The following ASCC3 variants were observed in gnomAD, a reference collection of about 807,000 sequenced individuals.
ASCC3 encodes the protein activating signal cointegrator 1 complex subunit 3, also known as ASC-1 complex subunit P200.
Under a neutral mutation model 256.3 loss-of-function variants are expected in ASCC3, and 158 were observed. The observed-to-expected ratio is 0.62, with a 90% CI of 0.54 to 0.70. ASCC3 has a LOEUF of 0.70. Ranked by LOEUF, ASCC3 falls within the 30% of genes least tolerant of loss-of-function variation. The probability of loss-of-function intolerance (pLI) is 0.00; values close to 1 mark genes in which losing one functional copy is unlikely to be tolerated. For missense variants in ASCC3, 2,259 were observed against 2,626.0 expected (o/e 0.86, Z 3.05); for synonymous variants, 948 against 883.4 (o/e 1.07, Z -1.30).
intron 10 of ASCC3, among the ~76,000 whole-genome samples, chr6:100,762,335 G>A (rs1781459609): frequency 2.0e-5 from 3 of 152,194 alleles, no homozygotes; most frequent in South Asian, 4.1e-4. Context: ...GCCAGGACAG[G>A]AGAAATCTCT....
rs1491546313 is a variant in ASCC3, at chr6:100,753,304, G to GC, written c.1737+13260dup. On this transcript the variant is annotated intron_variant, in intron 10 of 41. Transcript: ENST00000369162. ...TAGTTTTTTGCTAAAATATTCAATAGCAAAACAAAACAAAACATTTATTTT... is the reference window on the plus strand; with the variant it reads ...TAGTTTTTTGCTAAAATATTCAATAGCCAAAACAAAACAAAACATTTATTTT... Among the ~76,000 whole-genome samples, 3 of 18,164 alleles carry GC rather than the reference G, an allele frequency of 1.7e-4. No individual in the cohort carries two copies. In the East Asian group the frequency reaches 6.1e-3, roughly 37 times the overall value. 11.9% of individuals were successfully genotyped at this position (18,164 alleles called of 152,430 possible).
intron 8 of ASCC3, among the ~76,000 whole-genome samples, chr6:100,783,024 A>T (rs2114265619): frequency 6.6e-6 from 1 of 152,222 alleles, no homozygotes; most frequent in Non-Finnish European, 1.5e-5. Context: ...AAAAAAAAGA[A>T]ATATGACTGA....
At chr6:100,782,104 T>A (rs1782476767) in intron 8 of ASCC3, among the ~76,000 whole-genome samples, 1 of 152,120 alleles carries the variant, frequency 6.6e-6, no homozygotes. Context: ...TTATAGGGAA[T>A]TCTTGGGAGA....
At chr6:100,697,325 T>G (rs1778137856) in intron 13 of ASCC3, among the ~76,000 whole-genome samples, 2 of 151,846 alleles carry the variant, frequency 1.3e-5, no homozygotes, top group Non-Finnish European at 2.9e-5. Flanking sequence ...TAAAGATGGA[T>G]AGTTAAAAAG....
intron 4 of ASCC3, among the ~76,000 whole-genome samples, chr6:100,823,301 A>C (rs984945120): frequency 2.6e-5 from 4 of 152,218 alleles, no homozygotes; most frequent in Non-Finnish European, 4.4e-5. Flanking sequence ...TGCTCTACGC[A>C]CAGATACAAG....
intron 10 of ASCC3, among the ~76,000 whole-genome samples, chr6:100,754,180 ATAAT>A (rs1781069755): frequency 6.6e-6 from 1 of 152,228 alleles, no homozygotes; most frequent in African/African-American, 2.4e-5. Context: ...CAAAAAAAGT[ATAAT>A]TAGTCATAAA....
At chr6:100,534,976 A>G (rs1775090891) in intron 37 of ASCC3, among the ~76,000 whole-genome samples, 1 of 152,222 alleles carries the variant, frequency 6.6e-6, no homozygotes, top group South Asian at 2.1e-4. Context: ...CGAGGAAATA[A>G]AAGAACTACT....
intron 34 of ASCC3, among the ~76,000 whole-genome samples, chr6:100,592,721 T>A (rs1184782396): frequency 6.6e-6 from 1 of 152,102 alleles, no homozygotes; most frequent in East Asian, 1.9e-4. Context: ...AGCATTTAGC[T>A]TAAAACATTA....
intron 10 of ASCC3, among the ~76,000 whole-genome samples, chr6:100,748,424 T>C (rs1307860186): frequency 6.6e-6 from 1 of 152,098 alleles, no homozygotes; most frequent in Non-Finnish European, 1.5e-5. Context: ...TTGTATTAAA[T>C]AATAACAGTA....
At chr6:100,576,288 T>C (rs893169377) in intron 36 of ASCC3, among the ~76,000 whole-genome samples, 2 of 152,076 alleles carry the variant, frequency 1.3e-5, no homozygotes, top group Admixed American at 1.3e-4. Flanking sequence ...TAAAATAATG[T>C]CTTCAATAAA....
At chr6:100,787,989 C>T (rs1297258729) in intron 8 of ASCC3, among the ~76,000 whole-genome samples, 1 of 150,974 alleles carries the variant, frequency 6.6e-6, no homozygotes, top group Non-Finnish European at 1.5e-5. Context: ...GAATGAACTT[C>T]AAGGGTACTA....
At chr6:100,661,356 C>T (rs1026896589) in intron 16 of ASCC3, among the ~76,000 whole-genome samples, 2 of 150,502 alleles carry the variant, frequency 1.3e-5, no homozygotes, top group African/African-American at 4.9e-5. Context: ...CACACACACA[C>T]ACAAAACAAA....
chr6:100,607,686 C>T (rs1319877083), intron 30 of ASCC3, among the ~76,000 whole-genome samples: 3 of 151,664 alleles, frequency 2.0e-5, no homozygotes, highest in African/African-American at 7.3e-5. Flanking sequence ...TATTATTCAT[C>T]CTATATGTAA....
intron 9 of ASCC3, 67 bp from the exon 10 acceptor site, chr6:100,766,772 C>G (rs945666846): frequency 1.6e-5 from 25 of 1,560,652 alleles, no homozygotes; most frequent in Non-Finnish European, 2.2e-5. Flanking sequence ...TTACAGTAGC[C>G]AATACAAGTC....
chr6:100,526,671 A>C (rs2114632868), intron 37 of ASCC3, among the ~76,000 whole-genome samples: 1 of 152,298 alleles, frequency 6.6e-6, no homozygotes, highest in South Asian at 2.1e-4. Flanking sequence ...TTGGGAGATA[A>C]AATATAGCTT....
intron 25 of ASCC3, among the ~76,000 whole-genome samples, chr6:100,635,206 T>C (rs1774784773): frequency 6.6e-6 from 1 of 152,032 alleles, no homozygotes; most frequent in Non-Finnish European, 1.5e-5. Flanking sequence ...TGTGTATATA[T>C]ATATATGTGA....
At chr6:100,582,769 C>A (rs1009416680) in intron 36 of ASCC3, among the ~76,000 whole-genome samples, 2 of 152,080 alleles carry the variant, frequency 1.3e-5, no homozygotes, top group African/African-American at 4.8e-5. Flanking sequence ...CCATCAATAC[C>A]TAATTTATTG....
intron 39 of ASCC3, among the ~76,000 whole-genome samples, chr6:100,514,962 T>G (rs1160944947): frequency 6.6e-6 from 1 of 152,216 alleles, no homozygotes; most frequent in African/African-American, 2.4e-5. Flanking sequence ...GGCACCAGAT[T>G]GCTCTGCAAA....
intron 36 of ASCC3, among the ~76,000 whole-genome samples, chr6:100,568,033 C>A (rs1379247770): frequency 6.6e-6 from 1 of 152,108 alleles, no homozygotes; most frequent in Non-Finnish European, 1.5e-5. Flanking sequence ...TCCCTTTTCC[C>A]CACATCCTTG....
Sources: allele counts gnomAD v4.1 joint callset (sites outside exome capture counted in the v4.1 genomes callset), GRCh38; gene constraint gnomAD v4.1.1; transcripts MANE v1.5; gene names NCBI Gene and HGNC (gene_info 2026-07-23, HGNC 2026-07-21).